The following CDH4 variants were observed in gnomAD, a reference collection of about 807,000 sequenced individuals.
CDH4 encodes the protein cadherin 4.
Under a neutral mutation model 86.0 loss-of-function variants are expected in CDH4, and 33 were observed. That is an observed-to-expected ratio of 0.38 (90% confidence interval 0.29 to 0.51). The LOEUF (loss-of-function observed/expected upper bound fraction) is 0.51, where lower values mean the gene tolerates loss of function less well. Among genes scored for constraint, CDH4 ranks in the 20% least tolerant of loss-of-function variants. The pLI, the probability that CDH4 is intolerant of heterozygous loss-of-function variation, is 0.86. For synonymous variants in CDH4, 555 were observed against 549.4 expected, an observed-to-expected ratio of 1.01 and a Z score of -0.14; for missense variants, 1,114 against 1,307.4, an observed-to-expected ratio of 0.85 and a Z score of 2.28.
At position 61,789,669 on chromosome 20, in the gene CDH4, C is replaced by T. The variant is rs936030275; in HGVS notation, c.576+16487C>T. ...GCTGCGTGCATGAGCCTGCCTTGCCCGGGGCATGCCAGCGCCTCAGCCCAG... is the reference window on the plus strand; with the variant it reads ...GCTGCGTGCATGAGCCTGCCTTGCCTGGGGCATGCCAGCGCCTCAGCCCAG... On this transcript the variant is annotated intron_variant, in intron 4 of 15. Transcript: ENST00000614565. Among the ~76,000 whole-genome samples the T allele has an allele frequency of 3.3e-5, 5 of 152,216 alleles. No individual in the cohort carries two copies. The South Asian group carries it at 8.3e-4, about 25-fold the overall frequency.
rs779983600 is a variant in CDH4 at position 61,933,112 on chromosome 20, C to A, written c.2367C>A (p.Gly789=). 1 of 1,612,816 alleles carries A rather than the reference C, an allele frequency of 6.2e-7. No individual in the cohort carries two copies. Among genetic ancestry groups the A allele is most frequent in the Non-Finnish European group, 8.5e-7 (1 of 1,179,838 alleles). The change falls in exon 14 of 16, where the codon GGC becomes GGA. Residue 789 remains glycine (G), a synonymous_variant. Coordinates refer to ENST00000614565, the MANE Select transcript of CDH4 (RefSeq NM_001794.5). ...NILKYDEEGG[G]EEDQDYDLSQ... is the part of the protein sequence containing the mutation. The stretch of plus-strand genomic sequence containing the variant: ...TCAAGTATGACGAGGAAGGCGGTGG[C>A]GAGGAGGACCAGGTGAGACTGCGGC...
intron 2 of CDH4, among the ~76,000 whole-genome samples, chr20:61,616,898 T>C (rs2086729428): frequency 6.6e-6 from 1 of 151,960 alleles, no homozygotes; most frequent in Non-Finnish European, 1.5e-5. Context: ...GGGTTCTTCC[T>C]GGGTCCTGGG....
At position 61,596,433 on chromosome 20, in the gene CDH4, G is replaced by A. The variant is rs555844307; in HGVS notation, c.170-147130G>A. On this transcript the variant is annotated intron_variant, in intron 2 of 15. Transcript: ENST00000614565. ...GCAGAAAGGAAGGGTGTCAGGAGAGGCCCCCTGCACACTGCTGGGTGCATG... is the reference window on the plus strand; with the variant it reads ...GCAGAAAGGAAGGGTGTCAGGAGAGACCCCCTGCACACTGCTGGGTGCATG... Among the ~76,000 whole-genome samples the A allele has an allele frequency of 5.3e-4, 80 of 152,280 alleles. 1 individual carries two copies. The highest frequency in any genetic ancestry group is 3.7e-3 in the Admixed American group (56 of 15,304).
At chr20:61,435,790 C>T (rs2085278058) in intron 2 of CDH4, 1 of 152,290 alleles carries the variant, frequency 6.6e-6, no homozygotes, top group Admixed American at 6.5e-5. Flanking sequence ...TCCCCAGTAC[C>T]CTTCCTGGAG....
chr20:61,766,363 A>G (rs2088698414), intron 3 of CDH4, among the ~76,000 whole-genome samples: 1 of 151,498 alleles, frequency 6.6e-6, no homozygotes, highest in Non-Finnish European at 1.5e-5. Flanking sequence ...AGCTCATCCT[A>G]GGCCCCCCTT....
chr20:61,586,522 G>A (rs377759578), intron 2 of CDH4, among the ~76,000 whole-genome samples: 7 of 152,242 alleles, frequency 4.6e-5, no homozygotes, highest in South Asian at 2.1e-4. Context: ...GACCCTGGAC[G>A]TGAGGTAACT....
At chr20:61,904,753 G>A (rs185116526) in intron 8 of CDH4, among the ~76,000 whole-genome samples, 2 of 152,352 alleles carry the variant, frequency 1.3e-5, no homozygotes, top group East Asian at 3.9e-4. Context: ...CTTGCCGTGT[G>A]GCAGATGCGG....
At chr20:61,699,347 C>T (rs1357553962) in intron 2 of CDH4, among the ~76,000 whole-genome samples, 1 of 152,108 alleles carries the variant, frequency 6.6e-6, no homozygotes, top group Admixed American at 6.5e-5. Flanking sequence ...TCATCACAAG[C>T]CCCCCCAGTG....
At chr20:61,691,062 G>A (rs888058692) in intron 2 of CDH4, among the ~76,000 whole-genome samples, 4 of 152,142 alleles carry the variant, frequency 2.6e-5, no homozygotes, top group Non-Finnish European at 5.9e-5. Flanking sequence ...TTCTGAGAGT[G>A]ATGCCACCTC....
At chr20:61,294,903 A>G (rs777285370) in intron 2 of CDH4, among the ~76,000 whole-genome samples, 2 of 152,196 alleles carry the variant, frequency 1.3e-5, no homozygotes, top group Admixed American at 6.5e-5. Flanking sequence ...AGGGTCACCC[A>G]CTGATCCCAA....
intron 3 of CDH4, among the ~76,000 whole-genome samples, chr20:61,749,980 G>A (rs576310340): frequency 3.3e-5 from 5 of 152,170 alleles, no homozygotes; most frequent in African/African-American, 9.6e-5. Context: ...AGAATTGCTC[G>A]AACCCAGGGG....
At chr20:61,865,363 CT>C (rs560584798) in intron 6 of CDH4, among the ~76,000 whole-genome samples, 183 of 151,360 alleles carry the variant, frequency 1.2e-3, no homozygotes, top group African/African-American at 4.0e-3. Flanking sequence ...GGCTGGCTTC[CT>C]GAATGGTTAG....
intron 2 of CDH4, among the ~76,000 whole-genome samples, chr20:61,730,071 C>G (rs377402032): frequency 6.6e-6 from 1 of 152,142 alleles, no homozygotes; most frequent in African/African-American, 2.4e-5. Context: ...TGCCAGCTTC[C>G]CCTGTTGTTA....
intron 3 of CDH4, among the ~76,000 whole-genome samples, chr20:61,758,024 A>C (rs2088586601): frequency 1.3e-5 from 2 of 152,116 alleles, no homozygotes; most frequent in Non-Finnish European, 2.9e-5. Context: ...AGGACGCTGC[A>C]ATGTGGTCCC....
intron 2 of CDH4, among the ~76,000 whole-genome samples, chr20:61,324,974 C>T (rs1324810349): frequency 6.6e-6 from 1 of 152,188 alleles, no homozygotes; most frequent in African/African-American, 2.4e-5. Context: ...GAAGCACTCA[C>T]AGCCATGCCT....
At chr20:61,460,926 C>T (rs1218440293) in intron 2 of CDH4, among the ~76,000 whole-genome samples, 1 of 152,172 alleles carries the variant, frequency 6.6e-6, no homozygotes, top group Non-Finnish European at 1.5e-5. Flanking sequence ...GGGCTCTCTG[C>T]TTTGGCTCCA....
intron 2 of CDH4, among the ~76,000 whole-genome samples, chr20:61,318,414 T>C (rs570746444): frequency 1.4e-5 from 2 of 144,636 alleles, no homozygotes; most frequent in Non-Finnish European, 2.9e-5. Flanking sequence ...AACCTAAGCG[T>C]GTGACAATGA....
chr20:61,485,266 GC>G (rs1380148010), intron 2 of CDH4, among the ~76,000 whole-genome samples: 1 of 152,190 alleles, frequency 6.6e-6, no homozygotes, highest in East Asian at 1.9e-4. Flanking sequence ...AGGGAGACCT[GC>G]CCAACTTTTT....
chr20:61,638,573 G>C (rs530680468), intron 2 of CDH4, among the ~76,000 whole-genome samples: 1 of 152,212 alleles, frequency 6.6e-6, no homozygotes, highest in Non-Finnish European at 1.5e-5. Flanking sequence ...AATGGGAAGG[G>C]CCCTGGTAGT....
Sources: allele counts gnomAD v4.1 joint callset (sites outside exome capture counted in the v4.1 genomes callset), GRCh38; gene constraint gnomAD v4.1.1; transcripts MANE v1.5; gene names NCBI Gene and HGNC (gene_info 2026-07-23, HGNC 2026-07-21).